Variants in USH1C observed in about 807,000 individuals in gnomAD.
USH1C encodes USH1 protein network component harmonin.
In USH1C, 90 loss-of-function variants were observed where a neutral mutation model predicts 119.3. The ratio of observed to expected loss-of-function variants is 0.75; its 90% CI spans 0.64 to 0.90. The LOEUF is 0.90. Ranked by LOEUF, USH1C falls within the 40% of genes least tolerant of loss-of-function variation. The probability of loss-of-function intolerance (pLI) is 0.00; values close to 1 mark genes in which losing one functional copy is unlikely to be tolerated. For missense variants in USH1C, 1,165 were observed against 1,167.7 expected, an observed-to-expected ratio of 1.00 and a Z score of 0.03; for synonymous variants, 465 against 443.3, an observed-to-expected ratio of 1.05 and a Z score of -0.62.
At position 17,520,851 on chromosome 11, in the gene USH1C, C is replaced by A. The variant is rs368087904; in HGVS notation, c.1210+19G>T. On this transcript the variant is annotated intron_variant, in intron 14 of 26. Coordinates refer to ENST00000005226, the MANE Select transcript of USH1C (RefSeq NM_153676.4). The stretch of plus-strand genomic sequence containing the variant: ...CTGACTAGTTCCCTTAGCCTCTCCC[C>A]TCGGCTCATGAAACTTACACTTTGG... 4.3e-6 allele frequency: 7 copies of A among 1,614,048 alleles called. No individual in the cohort carries two copies. The African/African-American group carries it at 9.3e-5, about 22-fold the overall frequency.
At chr11:17,511,527 G>C (rs981517549) in intron 16 of USH1C, among the ~76,000 whole-genome samples, 1 of 152,176 alleles carries the variant, frequency 6.6e-6, no homozygotes, top group African/African-American at 2.4e-5. Context: ...TGGTGGGGTA[G>C]AGTGAAGAGG....
intron 20 of USH1C, among the ~76,000 whole-genome samples, chr11:17,502,715 A>T (rs1287335480): frequency 6.6e-6 from 1 of 152,212 alleles, no homozygotes; most frequent in Admixed American, 6.5e-5. Context: ...GAAACAAGAC[A>T]GTGAGGTGGC....
chr11:17,533,815 G>A (rs544956268), intron 1 of USH1C: 32 of 454,118 alleles, frequency 7.0e-5, no homozygotes, highest in East Asian at 3.5e-4. Flanking sequence ...CCTTACCACC[G>A]AATTCTTCTG....
chr11:17,494,246 A>T lies in USH1C; in HGVS notation c.*86T>A, dbSNP rs540053922. 100 of 1,476,166 alleles carry T rather than the reference A, an allele frequency of 6.8e-5. 1 individual carries two copies. The South Asian group carries it at 1.1e-3, about 17-fold the overall frequency. 91.4% of individuals were successfully genotyped at this position (1,476,166 alleles called of 1,614,324 possible). ...TGGGTGATAGATTCAGGTCCCAAGG[A>T]TGCCATCTGGTGTGTGTAGTGTGGC... On this transcript the variant is annotated 3_prime_UTR_variant, in exon 27 of 27. Coordinates refer to ENST00000005226, the MANE Select transcript of USH1C (RefSeq NM_153676.4).
intron 15 of USH1C, among the ~76,000 whole-genome samples, chr11:17,513,250 C>T (rs1160413373): frequency 1.3e-5 from 2 of 152,074 alleles, no homozygotes; most frequent in Non-Finnish European, 2.9e-5. Context: ...GAGGACAGAG[C>T]GAGCATTCAG....
At position 17,531,318 on chromosome 11, in the gene USH1C, G is replaced by A. The variant is rs754853101; in HGVS notation, c.249-26C>T. 42 of 1,614,132 alleles carry A rather than the reference G, an allele frequency of 2.6e-5. No homozygotes were observed. Among genetic ancestry groups the A allele is most frequent in the Non-Finnish European group, 3.2e-5 (38 of 1,180,038 alleles). Reference sequence around the variant, plus strand: ...CTGCCACACAGGAGAGGTCGGTGATGGTGCAGCTTGGCTGCCAGCACTGCC... The same window carrying A: ...CTGCCACACAGGAGAGGTCGGTGATAGTGCAGCTTGGCTGCCAGCACTGCC... On this transcript the variant is annotated intron_variant, in intron 3 of 26. Transcript: ENST00000005226. The surrounding 1 kb of genome is among the most constrained non-coding windows in gnomAD (Gnocchi z 4.2).
intron 11 of USH1C, 71 bp from the exon 12 acceptor site, chr11:17,522,997 G>T: frequency 6.3e-7 from 1 of 1,595,798 alleles, no homozygotes; most frequent in African/African-American, 1.3e-5. Flanking sequence ...ACCCCTGGGG[G>T]CCGAGATGCA....
chr11:17,518,877 G>A (rs1565045593), intron 14 of USH1C, among the ~76,000 whole-genome samples: 2 of 152,130 alleles, frequency 1.3e-5, no homozygotes, highest in African/African-American at 2.4e-5. Flanking sequence ...AAATTAGCTG[G>A]GCTTGGTGGC....
At chr11:17,532,144 G>A (rs891364352) in intron 2 of USH1C, among the ~76,000 whole-genome samples, 5 of 152,134 alleles carry the variant, frequency 3.3e-5, no homozygotes, top group African/African-American at 1.2e-4. Flanking sequence ...CAGCCTTGTG[G>A]CTATTTATGA....
At chr11:17,501,660 C>T in intron 21 of USH1C, 125 bp from the exon 22 acceptor site, 1 of 1,158,524 alleles carries the variant, frequency 8.6e-7, no homozygotes, top group Non-Finnish European at 1.3e-6. Flanking sequence ...GGCAAGGGGA[C>T]CGTGCCCAGC....
intron 1 of USH1C, among the ~76,000 whole-genome samples, chr11:17,534,891 A>AC (rs1475065849): frequency 4.1e-5 from 6 of 146,932 alleles, no homozygotes; most frequent in Non-Finnish European, 7.4e-5. Flanking sequence ...AAAAAAAAAA[A>AC]AGGAGCTCCC....
chr11:17,517,417 TC>T, intron 14 of USH1C: 1 of 1,589,686 alleles, frequency 6.3e-7, no homozygotes, highest in Non-Finnish European at 8.6e-7. Flanking sequence ...TCCCTGCTCC[TC>T]CGTGCCTCCA....
chr11:17,515,170 A>G lies in USH1C; in HGVS notation c.1260+1071T>C, dbSNP rs1850087147. Among the ~76,000 whole-genome samples the G allele has an allele frequency of 2.0e-5, 3 of 152,156 alleles. No individual in the cohort carries two copies. In the East Asian group the frequency reaches 5.8e-4, roughly 29 times the overall value. On this transcript the variant is annotated intron_variant, in intron 15 of 26. Transcript: ENST00000005226. ...CCCAATGAGGCATCCTAAGCCACCA[A>G]AGTCAGCCTGTCAAGGGAAACAGAT...
intron 1 of USH1C, among the ~76,000 whole-genome samples, chr11:17,534,151 T>TG (rs776273520): frequency 5.3e-5 from 8 of 152,302 alleles, no homozygotes; most frequent in East Asian, 1.9e-4. Flanking sequence ...GGTGGAAGCT[T>TG]GGGGGGTCAC....
At chr11:17,521,460 G>T in intron 12 of USH1C, 49 bp from the exon 13 acceptor site, 1 of 1,571,330 alleles carries the variant, frequency 6.4e-7, no homozygotes, top group East Asian at 2.2e-5. Context: ...CAAGAGAAAT[G>T]AACTCTTCCT....
At chr11:17,509,892 T>C in intron 17 of USH1C, 54 bp from the exon 18 acceptor site, 1 of 1,553,356 alleles carries the variant, frequency 6.4e-7, no homozygotes, top group Non-Finnish European at 8.7e-7. Flanking sequence ...GAGCTCCACT[T>C]CACAATACAG....
intron 18 of USH1C, among the ~76,000 whole-genome samples, chr11:17,508,053 A>C (rs985825910): frequency 6.6e-6 from 1 of 152,202 alleles, no homozygotes; most frequent in Admixed American, 6.5e-5. Flanking sequence ...TCCCCTTCAC[A>C]GAGAGAGGCC....
rs751291345 is a variant in USH1C, at chr11:17,498,284, G to A, written c.2381-13C>T. Reference sequence around the variant, plus strand: ...TTCACAATGCCACCTGCAGGCAGATGAGGCTGATTGGCCAACTGGGCTGTA... The same window carrying A: ...TTCACAATGCCACCTGCAGGCAGATAAGGCTGATTGGCCAACTGGGCTGTA... On this transcript the variant is annotated splice_polypyrimidine_tract_variant and intron_variant, in intron 23 of 26. Transcript: ENST00000005226. 3.7e-6 allele frequency: 6 copies of A among 1,613,644 alleles called. No individual in the cohort carries two copies. Among genetic ancestry groups the A allele is most frequent in the South Asian group, 3.3e-5 (3 of 91,078 alleles).
chr11:17,495,765 C>T, intron 25 of USH1C, 88 bp from the exon 26 acceptor site: 8 of 1,424,110 alleles, frequency 5.6e-6, no homozygotes, highest in Non-Finnish European at 6.9e-6. Flanking sequence ...TCACTGGGCT[C>T]CTGCCTCGGG....
Sources: allele counts gnomAD v4.1 joint callset (sites outside exome capture counted in the v4.1 genomes callset), GRCh38; gene constraint gnomAD v4.1.1; non-coding constraint Gnocchi (gnomAD v3.1); transcripts MANE v1.5; gene names NCBI Gene and HGNC (gene_info 2026-07-23, HGNC 2026-07-21).